PPP2R5E: variants seen among roughly 807,000 people sequenced by gnomAD.
PPP2R5E encodes the protein protein phosphatase 2 regulatory subunit B'epsilon.
PPP2R5E carries 4 observed loss-of-function variants against 65.3 expected under a neutral mutation model. That is an observed-to-expected ratio of 0.06 (90% CI 0.03 to 0.14). The LOEUF (loss-of-function observed/expected upper bound fraction) is 0.14. Ranked by LOEUF, PPP2R5E falls within the 10% of genes least tolerant of loss-of-function variation. The pLI is 1.00. For synonymous variants in PPP2R5E, 183 were observed against 187.4 expected (o/e 0.98, Z 0.19); for missense variants, 274 against 556.1 (o/e 0.49, Z 5.10).
chr14:63,395,112 G>A, intron 7 of PPP2R5E, 114 bp downstream of exon 7: 1 of 802,170 alleles, frequency 1.2e-6, no homozygotes, highest in Non-Finnish European at 2.1e-6. Flanking sequence ...ACAAATGAGA[G>A]AGACCCAATG....
At chr14:63,396,151 G>A (rs530901495) in intron 6 of PPP2R5E, among the ~76,000 whole-genome samples, 13 of 74,616 alleles carry the variant, frequency 1.7e-4, no homozygotes, top group Non-Finnish European at 3.0e-4. Flanking sequence ...AGGGAGAAAG[G>A]AGGAGGACAG....
intron 2 of PPP2R5E, among the ~76,000 whole-genome samples, chr14:63,513,531 C>A (rs1029987758): frequency 2.0e-5 from 3 of 152,100 alleles, no homozygotes; most frequent in Non-Finnish European, 2.9e-5. Context: ...ACATGGAGAA[C>A]CTAAAATTCA....
At chr14:63,430,346 TATAC>T (rs36182172) in intron 3 of PPP2R5E, among the ~76,000 whole-genome samples, 18,774 of 134,724 alleles carry the variant, frequency 0.14, 1,317 homozygotes, top group East Asian at 0.2. Context: ...AAAACCCATG[TATAC>T]ATACATACAT....
At chr14:63,524,263 G>C (rs1893090015) in intron 2 of PPP2R5E, among the ~76,000 whole-genome samples, 1 of 152,186 alleles carries the variant, frequency 6.6e-6, no homozygotes, top group African/African-American at 2.4e-5. Context: ...ACTTTTGCCA[G>C]ATTGCTTCTC....
At chr14:63,403,920 G>C (rs1417085728) in intron 5 of PPP2R5E, among the ~76,000 whole-genome samples, 1 of 152,180 alleles carries the variant, frequency 6.6e-6, no homozygotes. Flanking sequence ...TGTAGAGAGG[G>C]AGTTATAGTG....
At chr14:63,395,072 T>A (rs575474060) in intron 7 of PPP2R5E, among the ~76,000 whole-genome samples, 154 bp downstream of exon 7, 1 of 152,308 alleles carries the variant, frequency 6.6e-6, no homozygotes, top group African/African-American at 2.4e-5. Flanking sequence ...TTGTGTCTTG[T>A]AGAGTCAGCT....
At chr14:63,389,500 G>T in intron 11 of PPP2R5E, 112 bp downstream of exon 11, 1 of 1,230,176 alleles carries the variant, frequency 8.1e-7, no homozygotes, top group East Asian at 2.7e-5. Flanking sequence ...ATCATGTGAG[G>T]GGATAGCAAA....
At chr14:63,379,749 T>C (rs1884204312) in intron 13 of PPP2R5E, among the ~76,000 whole-genome samples, 2 of 151,804 alleles carry the variant, frequency 1.3e-5, no homozygotes, top group Non-Finnish European at 2.9e-5. Flanking sequence ...AACCAGAAAA[T>C]AGTTTTATTA....
chr14:63,444,597 AC>A (rs975285932), intron 3 of PPP2R5E, among the ~76,000 whole-genome samples: 5 of 152,182 alleles, frequency 3.3e-5, no homozygotes, highest in East Asian at 1.9e-4. Context: ...CCCAAAAAAA[AC>A]ATTTTCGAGA....
chr14:63,541,984 G>C (rs1289225027), intron 1 of PPP2R5E, among the ~76,000 whole-genome samples: 1 of 152,126 alleles, frequency 6.6e-6, no homozygotes, highest in Non-Finnish European at 1.5e-5. Flanking sequence ...TTTGTACGTT[G>C]TAAATTTAGG....
At chr14:63,434,868 G>A (rs1165055720) in intron 3 of PPP2R5E, among the ~76,000 whole-genome samples, 1 of 152,084 alleles carries the variant, frequency 6.6e-6, no homozygotes, top group African/African-American at 2.4e-5. Flanking sequence ...TCTCTTTGGT[G>A]CTCATGATGG....
At chr14:63,381,340 T>C (rs985267213) in intron 13 of PPP2R5E, among the ~76,000 whole-genome samples, 6 of 152,000 alleles carry the variant, frequency 3.9e-5, no homozygotes, top group African/African-American at 1.5e-4. Context: ...AGATAAATGG[T>C]GCCTCATTCC....
chr14:63,394,758 G>GA (rs1885227579), intron 7 of PPP2R5E, among the ~76,000 whole-genome samples: 1 of 152,186 alleles, frequency 6.6e-6, no homozygotes, highest in African/African-American at 2.4e-5. Flanking sequence ...CTTGTGTGTA[G>GA]AAACTTACAC....
chr14:63,379,385 C>T (rs61994995), intron 13 of PPP2R5E, among the ~76,000 whole-genome samples: 16,990 of 152,156 alleles, frequency 0.11, 1,248 homozygotes, highest in East Asian at 0.37. Context: ...GATTCTCCTG[C>T]CTCAGCCTCC....
At position 63,391,727 on chromosome 14, in the gene PPP2R5E, T is replaced by A. The variant is rs1023313724; in HGVS notation, c.954+90A>T. On this transcript the variant is annotated intron_variant, in intron 10 of 13. Transcript: ENST00000337537. ...CATGAGCCACTGCGCCCAGCCCTGA[T>A]GATGCGGTTTTATACATGCTTAGCC... The A allele has an allele frequency of 4.3e-6, 6 of 1,409,914 alleles. No homozygotes were observed. In the African/African-American group the frequency reaches 7.1e-5, roughly 17 times the overall value. The allele number at this position is 1,409,914 out of a possible 1,614,324, so 87.3% of individuals were successfully genotyped here.
chr14:63,493,340 T>C (rs964553921), intron 2 of PPP2R5E, among the ~76,000 whole-genome samples: 2 of 152,032 alleles, frequency 1.3e-5, no homozygotes, highest in Non-Finnish European at 2.9e-5. Context: ...GAGCAGCTCT[T>C]CTGTGAACTA....
chr14:63,419,508 A>G (rs1486712868), intron 4 of PPP2R5E, among the ~76,000 whole-genome samples: 1 of 152,212 alleles, frequency 6.6e-6, no homozygotes, highest in African/African-American at 2.4e-5. Flanking sequence ...ACATTCAGTG[A>G]CTGCCCTCAT....
At chr14:63,425,902 G>A (rs1887306899) in intron 3 of PPP2R5E, among the ~76,000 whole-genome samples, 1 of 152,142 alleles carries the variant, frequency 6.6e-6, no homozygotes, top group South Asian at 2.1e-4. Flanking sequence ...AGCAAAAGAA[G>A]GCCAAGTTGG....
In PPP2R5E at chr14:63,515,166, T is replaced by C. The variant is rs190849000; in HGVS notation, c.157+24363A>G. On this transcript the variant is annotated intron_variant, in intron 2 of 13. Coordinates refer to ENST00000337537, the MANE Select transcript of PPP2R5E (RefSeq NM_006246.5). Reference sequence around the variant, plus strand: ...GGAAAAAAGAAGAAAAAAATAAATGTCAAAAATGTTAACAGATGGGAGAAA... The same window carrying C: ...GGAAAAAAGAAGAAAAAAATAAATGCCAAAAATGTTAACAGATGGGAGAAA... Among the ~76,000 whole-genome samples, 68 of 152,176 alleles carry C rather than the reference T, an allele frequency of 4.5e-4. No homozygotes were observed. The East Asian group carries it at 0.012, about 27-fold the overall frequency.
Sources: allele counts gnomAD v4.1 joint callset (sites outside exome capture counted in the v4.1 genomes callset), GRCh38; gene constraint gnomAD v4.1.1; transcripts MANE v1.5; gene names NCBI Gene and HGNC (gene_info 2026-07-23, HGNC 2026-07-21).